ANO10: variants seen among roughly 807,000 people sequenced by gnomAD.
ANO10 encodes anoctamin 10.
Under a neutral mutation model 74.7 loss-of-function variants are expected in ANO10, and 77 were observed. That is an observed-to-expected ratio of 1.03 (90% CI 0.86 to 1.25). The LOEUF (loss-of-function observed/expected upper bound fraction) is 1.25. Ranked by LOEUF, ANO10 falls within the 50% of genes most tolerant of loss-of-function variation. ANO10 has a pLI of 0.00. For synonymous variants in ANO10, 279 were observed against 284.9 expected (o/e 0.98, Z 0.21); for missense variants, 721 against 778.1 (o/e 0.93, Z 0.87).
intron 1 of ANO10, among the ~76,000 whole-genome samples, chr3:43,620,308 A>T (rs1218483750): frequency 6.6e-6 from 1 of 152,260 alleles, no homozygotes; most frequent in Admixed American, 6.5e-5. Flanking sequence ...AAAAGTATGA[A>T]GTAATATAAC....
At chr3:43,591,983 C>G (rs1250043192) in intron 4 of ANO10, among the ~76,000 whole-genome samples, 2 of 152,230 alleles carry the variant, frequency 1.3e-5, no homozygotes, top group Non-Finnish European at 2.9e-5. Context: ...CCCACGCCCA[C>G]GGAGCCTTGC....
intron 11 of ANO10, among the ~76,000 whole-genome samples, chr3:43,457,500 C>T (rs767805316): frequency 7.2e-5 from 11 of 152,120 alleles, no homozygotes; most frequent in Admixed American, 5.9e-4. Context: ...ATAAAAACCA[C>T]CAGATCTCAT....
chr3:43,473,358 C>T (rs1298679400), intron 11 of ANO10, among the ~76,000 whole-genome samples: 1 of 152,130 alleles, frequency 6.6e-6, no homozygotes, highest in African/African-American at 2.4e-5. Flanking sequence ...AAGCCACGTT[C>T]TTCCTCACTG....
At chr3:43,403,129 A>C (rs2092513078) in intron 12 of ANO10, among the ~76,000 whole-genome samples, 2 of 152,216 alleles carry the variant, frequency 1.3e-5, no homozygotes, top group Non-Finnish European at 2.9e-5. Flanking sequence ...TGAACACTGG[A>C]CCTCACAAAT....
In ANO10 at chr3:43,561,303, TCTTCACCCGCACACCATG is replaced by T. The variant is rs1162099155; in HGVS notation, c.1375_1392del (p.His459_Lys464del). ...TCTGCCTTTAAAGCCTGCACCTTCC[TCTTCACCCGCACACCATG>T]CTTCCTTTGGAGCCAATAAGGAAGA... On this transcript the variant is annotated inframe_deletion, in exon 9 of 13. Transcript: ENST00000292246. 10 of 1,614,058 alleles carry T rather than the reference TCTTCACCCGCACACCATG, an allele frequency of 6.2e-6. No individual in the cohort carries two copies. The highest frequency in any genetic ancestry group is 8.5e-6 in the Non-Finnish European group (10 of 1,180,032).
At chr3:43,664,550 G>T (rs149876612) in intron 1 of ANO10, among the ~76,000 whole-genome samples, 16,179 of 152,168 alleles carry the variant, frequency 0.11, 1,251 homozygotes, top group South Asian at 0.23. Context: ...TTAAACTAAA[G>T]AGCTTCTGCA....
At chr3:43,611,626 T>C (rs765189235) in intron 1 of ANO10, among the ~76,000 whole-genome samples, 8 of 152,278 alleles carry the variant, frequency 5.3e-5, no homozygotes, top group Admixed American at 6.5e-5. Flanking sequence ...CATGCCACAG[T>C]GAATGGTGTG....
intron 9 of ANO10, among the ~76,000 whole-genome samples, chr3:43,555,931 T>G (rs937647918): frequency 6.6e-6 from 1 of 152,152 alleles, no homozygotes; most frequent in Non-Finnish European, 1.5e-5. Context: ...CTGAATCAAG[T>G]ATGAACCACC....
rs115751685 is a variant in ANO10 at position 43,613,970 on chromosome 3, G to A, written c.-12+7939C>T. ...GAGAGGGCACTGTCTGGGAAGGGAT[G>A]ATGGGAGCCACACAGCGTTCAACTT... On this transcript the variant is annotated intron_variant, in intron 1 of 12. Coordinates refer to ENST00000292246, the MANE Select transcript of ANO10 (RefSeq NM_018075.5). Among the ~76,000 whole-genome samples, 489 of 152,274 alleles carry A rather than the reference G, an allele frequency of 3.2e-3. 5 individuals carry two copies. The highest frequency in any genetic ancestry group is 0.011 in the Admixed American group (169 of 15,302).
intron 12 of ANO10, among the ~76,000 whole-genome samples, chr3:43,376,776 T>C (rs189171883): frequency 6.6e-6 from 1 of 152,240 alleles, no homozygotes; most frequent in Admixed American, 6.5e-5. Context: ...GACTTTGGCA[T>C]GGCTCCTTTC....
intron 11 of ANO10, among the ~76,000 whole-genome samples, chr3:43,510,969 T>A (rs1402426246): frequency 6.6e-6 from 1 of 152,166 alleles, no homozygotes; most frequent in Non-Finnish European, 1.5e-5. Context: ...GTTCTCAAGG[T>A]GTCAAAAATT....
At chr3:43,507,654 A>G (rs529681843) in intron 11 of ANO10, among the ~76,000 whole-genome samples, 21 of 152,174 alleles carry the variant, frequency 1.4e-4, no homozygotes, top group Admixed American at 1.2e-3. Context: ...GACCAGGGAC[A>G]CTCAGGAAAG....
At chr3:43,610,505 G>A (rs1279061603) in intron 1 of ANO10, among the ~76,000 whole-genome samples, 2 of 152,158 alleles carry the variant, frequency 1.3e-5, no homozygotes, top group African/African-American at 2.4e-5. Flanking sequence ...AACTGGCAGC[G>A]CAGTAGGTTT....
intron 11 of ANO10, among the ~76,000 whole-genome samples, chr3:43,457,970 A>G (rs2075211395): frequency 1.3e-5 from 2 of 151,726 alleles, no homozygotes; most frequent in South Asian, 4.2e-4. Flanking sequence ...TTCCTATAGG[A>G]GTTTGTGTGG....
At chr3:43,645,283 G>T (rs1257205513) in intron 1 of ANO10, among the ~76,000 whole-genome samples, 1 of 152,166 alleles carries the variant, frequency 6.6e-6, no homozygotes, top group African/African-American at 2.4e-5. Context: ...AAGGTCAAGA[G>T]ATTGAGACCA....
intron 1 of ANO10, chr3:43,691,126 G>T (rs372142426): frequency 1.5e-5 from 19 of 1,305,884 alleles, no homozygotes; most frequent in East Asian, 8.8e-5. Flanking sequence ...CAGCACCAAG[G>T]AGTCGCCGCC....
rs2092124519 is a variant in ANO10, at chr3:43,386,639, A to AC, written c.1915-19666_1915-19665insG. On this transcript the variant is annotated intron_variant, in intron 12 of 12. Coordinates refer to ENST00000292246, the MANE Select transcript of ANO10 (RefSeq NM_018075.5). ...AACGGGCTTTTTGAAAGTTGTGTGT[A>AC]GGTGTGTACGTGTGTGTGTGTGTGT... is the stretch of plus-strand genomic sequence containing the variant. Among the ~76,000 whole-genome samples, 3 of 134,718 alleles carry AC rather than the reference A, an allele frequency of 2.2e-5. No homozygotes were observed. The South Asian group carries it at 7.5e-4, about 33-fold the overall frequency. The allele number at this position is 134,718 out of a possible 152,430, so 88.4% of individuals were successfully genotyped here.
At chr3:43,487,719 T>C (rs1229569991) in intron 11 of ANO10, among the ~76,000 whole-genome samples, 1 of 152,154 alleles carries the variant, frequency 6.6e-6, no homozygotes, top group Non-Finnish European at 1.5e-5. Flanking sequence ...GTCTTGCTAG[T>C]GGTCTATCAA....
chr3:43,640,932 A>C (rs2083664909), intron 1 of ANO10, among the ~76,000 whole-genome samples: 1 of 152,208 alleles, frequency 6.6e-6, no homozygotes, highest in Non-Finnish European at 1.5e-5. Context: ...ATTTGCAAGC[A>C]TATTAAACCA....
Sources: allele counts gnomAD v4.1 joint callset (sites outside exome capture counted in the v4.1 genomes callset), GRCh38; gene constraint gnomAD v4.1.1; transcripts MANE v1.5; gene names NCBI Gene and HGNC (gene_info 2026-07-23, HGNC 2026-07-21).